HIVEP3: variants seen among roughly 807,000 people sequenced by gnomAD.
HIVEP3 encodes HIVEP zinc finger 3.
In HIVEP3, 49 loss-of-function variants were observed where a neutral mutation model predicts 152.8. That is an observed-to-expected ratio of 0.32 (90% CI 0.26 to 0.41). The LOEUF (loss-of-function observed/expected upper bound fraction) is 0.41. HIVEP3 is among the 10% of genes least tolerant of loss of function. The pLI is 1.00. For missense variants in HIVEP3, 2,790 were observed against 3,103.3 expected (o/e 0.90, Z 2.40); for synonymous variants, 1,269 against 1,289.0 (o/e 0.98, Z 0.33).
chr1:41,973,967 G>A (rs1174048352), intron 1 of HIVEP3, among the ~76,000 whole-genome samples: 1 of 152,220 alleles, frequency 6.6e-6, no homozygotes, highest in East Asian at 1.9e-4. Flanking sequence ...ACCAGATTAT[G>A]CGTGCAGGAC....
At chr1:41,828,201 CA>C (rs1642858040) in intron 1 of HIVEP3, among the ~76,000 whole-genome samples, 7 of 152,154 alleles carry the variant, frequency 4.6e-5, no homozygotes, top group Admixed American at 3.3e-4. Flanking sequence ...AGGGTCCTTG[CA>C]AGGTCACAGC....
At chr1:41,866,654 C>T (rs1286973040) in intron 1 of HIVEP3, among the ~76,000 whole-genome samples, 2 of 152,228 alleles carry the variant, frequency 1.3e-5, no homozygotes, top group Non-Finnish European at 2.9e-5. Flanking sequence ...ACCTCCTCCT[C>T]TTCTCCAAAT....
At chr1:41,578,121 A>T (rs1644352967) in intron 4 of HIVEP3, among the ~76,000 whole-genome samples, 1 of 152,234 alleles carries the variant, frequency 6.6e-6, no homozygotes, top group Admixed American at 6.5e-5. Flanking sequence ...AGGCTCTGCC[A>T]TTTACTGTGT....
intron 1 of HIVEP3, among the ~76,000 whole-genome samples, chr1:41,993,238 G>C (rs1337969918): frequency 6.6e-6 from 1 of 151,522 alleles, no homozygotes; most frequent in Admixed American, 6.6e-5. Flanking sequence ...GAAAATTTTC[G>C]CAACCGACTC....
chr1:41,904,873 G>T (rs1644685386), intron 1 of HIVEP3, among the ~76,000 whole-genome samples: 1 of 152,168 alleles, frequency 6.6e-6, no homozygotes, highest in African/African-American at 2.4e-5. Flanking sequence ...TAAGAGAGCT[G>T]CCATCCACAA....
intron 3 of HIVEP3, among the ~76,000 whole-genome samples, chr1:41,618,192 C>T (rs1457344010): frequency 2.6e-5 from 4 of 152,200 alleles, no homozygotes; most frequent in African/African-American, 4.8e-5. Context: ...TGTTCCGCTG[C>T]GGGATGGTGC....
Position 41,583,547 on chromosome 1 carries a change from G to T in HIVEP3, c.1251C>A (p.Ile417=), listed in dbSNP as rs1421914073. 6.2e-7 allele frequency: 1 copy of T among 1,614,150 alleles called. No individual in the cohort carries two copies. The highest frequency in any genetic ancestry group is 1.1e-5 in the South Asian group (1 of 91,076). The part of the protein sequence containing the change: ...PNTNAKSYAE[I]IFGKCGRIGQ... ...CTATTCGCCCACACTTGCCAAAGAT[G>T]ATCTCAGCGTAGGACTTGGCGTTGG... Residue 417 remains isoleucine, a synonymous_variant, in exon 4 of 9, where the codon ATC becomes ATA. Coordinates refer to ENST00000372583, the MANE Select transcript of HIVEP3 (RefSeq NM_024503.5). The surrounding 1 kb of genome is among the most constrained non-coding windows in gnomAD (Gnocchi z 6.9).
intron 1 of HIVEP3, among the ~76,000 whole-genome samples, chr1:41,908,380 C>T (rs1053869000): frequency 1.3e-5 from 2 of 152,188 alleles, no homozygotes; most frequent in Non-Finnish European, 2.9e-5. Context: ...TAGTAAGACT[C>T]TTATTGGCAG....
chr1:41,842,410 T>A (rs1643314403), intron 1 of HIVEP3, among the ~76,000 whole-genome samples: 3 of 152,110 alleles, frequency 2.0e-5, no homozygotes. Context: ...CTCCCCACTG[T>A]CCCATTACTG....
intron 1 of HIVEP3, among the ~76,000 whole-genome samples, chr1:41,991,650 A>C (rs1442915113): frequency 6.6e-6 from 1 of 151,920 alleles, no homozygotes; most frequent in Non-Finnish European, 1.5e-5. Context: ...TCATTTTATG[A>C]GGTCAGCATC....
chr1:41,870,640 A>C (rs1023081325), intron 1 of HIVEP3, among the ~76,000 whole-genome samples: 2 of 152,264 alleles, frequency 1.3e-5, no homozygotes, highest in South Asian at 4.1e-4. Flanking sequence ...GTTACAATCA[A>C]TATGACTTTT....
intron 1 of HIVEP3, among the ~76,000 whole-genome samples, chr1:41,710,498 T>C (rs570436529): frequency 6.6e-6 from 1 of 152,258 alleles, no homozygotes; most frequent in South Asian, 2.1e-4. Flanking sequence ...CTCTAAGCCC[T>C]CAGTGAGGGT....
chr1:41,682,403 C>T (rs971815758), intron 2 of HIVEP3, among the ~76,000 whole-genome samples: 1 of 152,102 alleles, frequency 6.6e-6, no homozygotes, highest in Admixed American at 6.5e-5. Flanking sequence ...TGATTCTTCC[C>T]TGTGCTCCCA....
intron 1 of HIVEP3, among the ~76,000 whole-genome samples, chr1:42,022,620 A>G (rs1474474486): frequency 6.6e-6 from 1 of 152,228 alleles, no homozygotes; most frequent in Non-Finnish European, 1.5e-5. Flanking sequence ...AGCAACCTGC[A>G]CAATCCTGAA....
rs1009101568 is a variant in HIVEP3, at chr1:41,575,591, A to G, written c.5160T>C (p.Pro1720=). The G allele has an allele frequency of 6.2e-7, 1 of 1,613,816 alleles. No homozygotes were observed. The highest frequency in any genetic ancestry group is 1.3e-5 in the African/African-American group (1 of 75,018). The change falls in exon 5 of 9, where the codon CCT becomes CCC. Residue 1720 remains proline (P), a synonymous_variant. Coordinates refer to ENST00000372583, the MANE Select transcript of HIVEP3 (RefSeq NM_024503.5). Reference sequence around the variant, plus strand: ...TCGCCGGCTCCCCTCTCTGGGAGGCAGGAGCATCCTCCTCCGGCTCCCCTC... The same window carrying G: ...TCGCCGGCTCCCCTCTCTGGGAGGCGGGAGCATCCTCCTCCGGCTCCCCTC... ...ERRGEPEEDA[P]ASQRGEPARI...
At chr1:41,522,249 C>G (rs557055941) in intron 6 of HIVEP3, among the ~76,000 whole-genome samples, 19 of 152,344 alleles carry the variant, frequency 1.2e-4, no homozygotes, top group African/African-American at 4.6e-4. Flanking sequence ...CAGAAACAGA[C>G]AGGAGCTCCA....
At chr1:41,905,149 C>T (rs1644690256) in intron 1 of HIVEP3, among the ~76,000 whole-genome samples, 1 of 152,132 alleles carries the variant, frequency 6.6e-6, no homozygotes, top group South Asian at 2.1e-4. Flanking sequence ...TCTGGACCCA[C>T]AACTGAGAGA....
At chr1:41,778,739 T>C (rs901933591) in intron 1 of HIVEP3, among the ~76,000 whole-genome samples, 1 of 152,188 alleles carries the variant, frequency 6.6e-6, no homozygotes, top group African/African-American at 2.4e-5. Flanking sequence ...TGGGAGCTTA[T>C]GTGCTAGAGG....
At position 41,543,058 on chromosome 1, in the gene HIVEP3, G is replaced by A. The variant is rs192561009; in HGVS notation, c.5208-18148C>T. 4 of 152,368 alleles carry A rather than the reference G, an allele frequency of 2.6e-5. No homozygotes were observed. In the East Asian group the frequency reaches 5.8e-4, roughly 22 times the overall value. The allele number at this position is 152,368 out of a possible 1,614,324, so 9.4% of individuals were successfully genotyped here. ...ACATGAAGCAGGAATCCCTTGGTGA[G>A]ATGGTAGGCTGGACCATGCGCACTA... is the stretch of plus-strand genomic sequence containing the variant. On this transcript the variant is annotated intron_variant, in intron 5 of 8. Coordinates refer to ENST00000372583, the MANE Select transcript of HIVEP3 (RefSeq NM_024503.5).
Sources: allele counts gnomAD v4.1 joint callset (sites outside exome capture counted in the v4.1 genomes callset), GRCh38; gene constraint gnomAD v4.1.1; non-coding constraint Gnocchi (gnomAD v3.1); transcripts MANE v1.5; gene names NCBI Gene and HGNC (gene_info 2026-07-23, HGNC 2026-07-21).